Variants in SRGAP2B observed in about 807,000 individuals in gnomAD.
SRGAP2B encodes SLIT-ROBO Rho GTPase-activating protein 2B.
A neutral mutation model predicts 22.2 loss-of-function variants in SRGAP2B; 9 were observed. The ratio of observed to expected loss-of-function variants is 0.41; its 90% CI spans 0.24 to 0.71. The LOEUF is 0.71. SRGAP2B is among the 30% of genes least tolerant of loss of function. The pLI, the probability that SRGAP2B is intolerant of heterozygous loss-of-function variation, is 0.35. For synonymous variants in SRGAP2B, 36 were observed against 87.4 expected, an observed-to-expected ratio of 0.41 and a Z score of 3.28; for missense variants, 114 against 235.8, an observed-to-expected ratio of 0.48 and a Z score of 3.38.
At chr1:145,025,029 T>A (rs1391918813) in intron 2 of SRGAP2B, among the ~76,000 whole-genome samples, 3 of 142,834 alleles carry the variant, frequency 2.1e-5, no homozygotes, top group Non-Finnish European at 4.5e-5. Context: ...CACAGACGGA[T>A]TTTTACGAAA....
chr1:144,932,914 CA>C (rs1388802195), intron 4 of SRGAP2B, among the ~76,000 whole-genome samples: 17 of 111,942 alleles, frequency 1.5e-4, no homozygotes, highest in Middle Eastern at 4.6e-3. Context: ...AAGAGAATGT[CA>C]AAACTGCGGT....
chr1:144,994,567 T>TGTGAGAGAGAGAGAGAGAGA, intron 3 of SRGAP2B, among the ~76,000 whole-genome samples: 1 of 122,430 alleles, frequency 8.2e-6, no homozygotes, highest in Non-Finnish European at 1.6e-5. Flanking sequence ...TGTGTGTGTG[T>TGTGAGAGAGAGAGAGAGAGA]GAGAGAGAGA....
At chr1:144,950,585 A>AC in intron 4 of SRGAP2B, among the ~76,000 whole-genome samples, 1 of 133,476 alleles carries the variant, frequency 7.5e-6, no homozygotes, top group Non-Finnish European at 1.6e-5. Context: ...GCTTGCCCCA[A>AC]CCCCAGGTAG....
chr1:144,930,779 T>C (rs1553605574), intron 4 of SRGAP2B, among the ~76,000 whole-genome samples: 1 of 148,688 alleles, frequency 6.7e-6, no homozygotes, highest in Non-Finnish European at 1.5e-5. Flanking sequence ...ATGTCTGGCA[T>C]CTGTCTCCTT....
intron 5 of SRGAP2B, among the ~76,000 whole-genome samples, chr1:144,908,354 TTAC>T (rs1663138974): frequency 6.7e-6 from 1 of 149,856 alleles, no homozygotes; most frequent in South Asian, 2.1e-4. Flanking sequence ...ATTTACAATG[TTAC>T]TTTCCCCTAA....
intron 5 of SRGAP2B, among the ~76,000 whole-genome samples, chr1:144,911,629 T>C (rs1486224034): frequency 1.3e-5 from 2 of 148,400 alleles, no homozygotes; most frequent in African/African-American, 2.6e-5. Context: ...ATTTTTTTTT[T>C]TTTTTTGAGA....
At chr1:144,996,169 C>G (rs1387834487) in intron 2 of SRGAP2B, among the ~76,000 whole-genome samples, 1 of 151,048 alleles carries the variant, frequency 6.6e-6, no homozygotes, top group African/African-American at 2.5e-5. Flanking sequence ...GACAAGAGAC[C>G]TGGCACTCAT....
intron 2 of SRGAP2B, among the ~76,000 whole-genome samples, chr1:145,007,802 C>CTTTTTTTTTTTTT (rs880001624): frequency 9.9e-6 from 1 of 101,202 alleles, no homozygotes; most frequent in African/African-American, 4.4e-5. Context: ...ATTTCTTCTT[C>CTTTTTTTTTTTTT]TTTTTTTTTT....
chr1:145,007,201 C>G (rs1671661916), intron 2 of SRGAP2B, among the ~76,000 whole-genome samples: 1 of 150,270 alleles, frequency 6.7e-6, no homozygotes. Context: ...TAAGCTCACT[C>G]AGACAGTAAC....
chr1:144,933,265 C>T (rs1215463048), intron 4 of SRGAP2B, among the ~76,000 whole-genome samples: 32 of 148,528 alleles, frequency 2.2e-4, no homozygotes, highest in Admixed American at 4.0e-4. Flanking sequence ...CATGACCTCC[C>T]GCCTGGGACA....
intron 2 of SRGAP2B, among the ~76,000 whole-genome samples, chr1:145,073,021 G>A (rs1428155987): frequency 9.4e-5 from 14 of 148,820 alleles, no homozygotes; most frequent in African/African-American, 1.3e-4. Flanking sequence ...AACCAAACTC[G>A]GAGCAAGGCA....
chr1:145,083,837 G>GCACT (rs1447542868), intron 2 of SRGAP2B, among the ~76,000 whole-genome samples: 2 of 54,210 alleles, frequency 3.7e-5, no homozygotes, highest in Non-Finnish European at 7.0e-5. Flanking sequence ...TCTTTGCATT[G>GCACT]CACTACACAA....
At chr1:144,933,319 C>T (rs1665350245) in intron 4 of SRGAP2B, among the ~76,000 whole-genome samples, 1 of 150,112 alleles carries the variant, frequency 6.7e-6, no homozygotes, top group African/African-American at 2.5e-5. Context: ...TTAATCAGCT[C>T]ACATCAGCAG....
intron 3 of SRGAP2B, among the ~76,000 whole-genome samples, chr1:144,977,811 G>GA (rs1212621469): frequency 1.0e-4 from 15 of 150,544 alleles, no homozygotes; most frequent in Admixed American, 2.0e-4. Flanking sequence ...GCATTCTGAA[G>GA]AAAAATGAAA....
intron 4 of SRGAP2B, among the ~76,000 whole-genome samples, chr1:144,951,608 T>A (rs1412899481): frequency 1.3e-5 from 2 of 150,590 alleles, no homozygotes; most frequent in Non-Finnish European, 2.9e-5. Context: ...CTTAACACGA[T>A]ACCTGGCACA....
At chr1:144,944,384 C>T (rs1375716722) in intron 4 of SRGAP2B, among the ~76,000 whole-genome samples, 1 of 149,056 alleles carries the variant, frequency 6.7e-6, no homozygotes, top group Non-Finnish European at 1.5e-5. Flanking sequence ...TCATTTGAGC[C>T]CCAGAGTTCA....
intron 5 of SRGAP2B, among the ~76,000 whole-genome samples, chr1:144,907,744 G>A (rs1204107346): frequency 6.6e-6 from 1 of 150,542 alleles, no homozygotes; most frequent in East Asian, 1.9e-4. Context: ...AAATGTCAAT[G>A]GTGCTGACGT....
intron 3 of SRGAP2B, among the ~76,000 whole-genome samples, chr1:144,973,227 C>T (rs1436391544): frequency 3.8e-4 from 56 of 148,344 alleles, no homozygotes; most frequent in African/African-American, 1.4e-3. Flanking sequence ...TAAGTATATT[C>T]CAGCTTGTAG....
chr1:144,959,066 A>C (rs1754485), intron 3 of SRGAP2B, among the ~76,000 whole-genome samples: 4 of 145,434 alleles, frequency 2.8e-5, no homozygotes, highest in African/African-American at 5.3e-5. Context: ...TTTTCATTCA[A>C]GCCTGTGTGT....
Sources: allele counts gnomAD v4.1 joint callset (sites outside exome capture counted in the v4.1 genomes callset), GRCh38; gene constraint gnomAD v4.1.1; transcripts MANE v1.5; gene names NCBI Gene and HGNC (gene_info 2026-07-23, HGNC 2026-07-21).